The following POU6F2 variants were observed in gnomAD, a reference collection of about 807,000 sequenced individuals.
The protein encoded by POU6F2 is POU class 6 homeobox 2, also known as POU domain, class 6, transcription factor 2.
In POU6F2, 31 loss-of-function variants were observed where a neutral mutation model predicts 71.3. The observed-to-expected ratio is 0.43, with a 90% CI of 0.33 to 0.59. The LOEUF is 0.59. POU6F2 is among the 20% of genes least tolerant of loss of function. The pLI, the probability that POU6F2 is intolerant of heterozygous loss-of-function variation, is 0.04. For missense variants in POU6F2, 783 were observed against 856.8 expected (o/e 0.91, Z 1.07); for synonymous variants, 347 against 355.7 (o/e 0.98, Z 0.27).
chr7:39,324,527 G>A (rs192965665), intron 4 of POU6F2, among the ~76,000 whole-genome samples: 52 of 152,336 alleles, frequency 3.4e-4, no homozygotes, highest in Admixed American at 5.2e-4. Context: ...TTTAGGACAC[G>A]TAAAGAAGTA....
At chr7:39,100,391 G>A (rs1437576555) in intron 2 of POU6F2, among the ~76,000 whole-genome samples, 1 of 152,178 alleles carries the variant, frequency 6.6e-6, no homozygotes, top group Non-Finnish European at 1.5e-5. Flanking sequence ...GTTGAGATCC[G>A]TAAAACCTAG....
chr7:39,105,605 C>G (rs895790023), intron 2 of POU6F2, among the ~76,000 whole-genome samples: 1 of 152,108 alleles, frequency 6.6e-6, no homozygotes, highest in African/African-American at 2.4e-5. Flanking sequence ...CAAATAATTT[C>G]TGGCTCTGTT....
At chr7:39,250,303 G>T (rs1783891988) in intron 4 of POU6F2, among the ~76,000 whole-genome samples, 1 of 152,072 alleles carries the variant, frequency 6.6e-6, no homozygotes, top group African/African-American at 2.4e-5. Context: ...CACCGCCTTT[G>T]GTTTTCTCCA....
intron 4 of POU6F2, among the ~76,000 whole-genome samples, chr7:39,260,089 G>A (rs988106087): frequency 4.1e-5 from 6 of 144,738 alleles, no homozygotes; most frequent in South Asian, 2.2e-4. Flanking sequence ...CACACCACAC[G>A]CATTCTCCAT....
chr7:39,377,001 ATATT>A, intron 5 of POU6F2, among the ~76,000 whole-genome samples: 1 of 148,344 alleles, frequency 6.7e-6, no homozygotes, highest in East Asian at 1.9e-4. Context: ...TCATATAAAT[ATATT>A]TGTTTAACTA....
intron 4 of POU6F2, among the ~76,000 whole-genome samples, chr7:39,215,937 T>G (rs1794233394): frequency 6.6e-6 from 1 of 152,210 alleles, no homozygotes; most frequent in Non-Finnish European, 1.5e-5. Context: ...CTGCACATCC[T>G]TCACCTTCTA....
chr7:39,212,991 ACTT>A (rs1016561539), intron 4 of POU6F2, among the ~76,000 whole-genome samples: 6 of 152,224 alleles, frequency 3.9e-5, no homozygotes. Context: ...AGCTGAGTCT[ACTT>A]CTGGGACAGA....
chr7:39,369,813 A>G (rs930449435), intron 5 of POU6F2, among the ~76,000 whole-genome samples: 1 of 151,364 alleles, frequency 6.6e-6, no homozygotes, highest in African/African-American at 2.4e-5. Flanking sequence ...CCTCCCAAGT[A>G]GCTAGGACTA....
chr7:39,254,862 G>A (rs1783990255), intron 4 of POU6F2, among the ~76,000 whole-genome samples: 1 of 152,156 alleles, frequency 6.6e-6, no homozygotes, highest in Admixed American at 6.5e-5. Flanking sequence ...AGTGGGCCCA[G>A]TTTAGGGCCG....
At chr7:39,335,525 G>A (rs760149251) in intron 4 of POU6F2, among the ~76,000 whole-genome samples, 31 of 152,290 alleles carry the variant, frequency 2.0e-4, no homozygotes, top group South Asian at 6.2e-4. Flanking sequence ...AAAATTGGTT[G>A]CCTCATCATT....
In POU6F2 at chr7:39,451,614, A is replaced by G. The variant is rs1788663449; in HGVS notation, c.1402A>G (p.Met468Val). 1.9e-6 allele frequency: 3 copies of G among 1,613,622 alleles called. No individual in the cohort carries two copies. The highest frequency in any genetic ancestry group is 1.7e-6 in the Non-Finnish European group (2 of 1,179,730). Residue 468 changes from methionine (M) to valine (V), a missense_variant, in exon 8 of 10, where the codon ATG becomes GTG. This residue lies in a region of POU6F2 where 572 missense variants were observed against 572.9 expected (regional missense o/e 1.00). Coordinates refer to ENST00000518318, the MANE Select transcript of POU6F2 (RefSeq NM_001370959.1). The part of the protein sequence containing the change: ...LLHLAHSQAS[M>V]SQSPVRQASS... ...GCACCTGGCTCACAGCCAAGCATCC[A>G]TGTCTCAAAGTCCCGTCCGGCAGGC...
chr7:39,006,215 G>A (rs1233268200), intron 1 of POU6F2, among the ~76,000 whole-genome samples: 5 of 152,142 alleles, frequency 3.3e-5, no homozygotes, highest in African/African-American at 9.7e-5. Context: ...TGTAATCCCA[G>A]CACTTTGGGA....
At chr7:39,158,234 C>G (rs747629646) in intron 2 of POU6F2, among the ~76,000 whole-genome samples, 1 of 152,078 alleles carries the variant, frequency 6.6e-6, no homozygotes, top group African/African-American at 2.4e-5. Context: ...TAAAAGCATT[C>G]GTCATTCACT....
chr7:39,312,885 C>T (rs773130906), intron 4 of POU6F2, among the ~76,000 whole-genome samples: 1 of 152,116 alleles, frequency 6.6e-6, no homozygotes, highest in Non-Finnish European at 1.5e-5. Context: ...GATTTCATCA[C>T]GCTACTCGGA....
intron 4 of POU6F2, among the ~76,000 whole-genome samples, chr7:39,320,038 G>A (rs1037232494): frequency 6.6e-5 from 10 of 152,116 alleles, no homozygotes; most frequent in African/African-American, 1.4e-4. Context: ...ACTTTAAGCC[G>A]GCTCAGAGGG....
intron 4 of POU6F2, among the ~76,000 whole-genome samples, chr7:39,321,182 G>T (rs139923379): frequency 5.9e-5 from 9 of 152,238 alleles, no homozygotes; most frequent in African/African-American, 1.9e-4. Context: ...CAGACCACAG[G>T]TTACTGAAAC....
chr7:39,257,619 A>C (rs1784050845), intron 4 of POU6F2, among the ~76,000 whole-genome samples: 1 of 152,224 alleles, frequency 6.6e-6, no homozygotes, highest in Admixed American at 6.5e-5. Flanking sequence ...GTGAAGACAC[A>C]TACTTGCAAA....
chr7:39,440,078 T>A (rs975919226), intron 7 of POU6F2, among the ~76,000 whole-genome samples: 9 of 152,260 alleles, frequency 5.9e-5, no homozygotes, highest in African/African-American at 2.2e-4. Flanking sequence ...CTTCCCTTTG[T>A]AGGTGACCTG....
intron 5 of POU6F2, among the ~76,000 whole-genome samples, chr7:39,364,089 G>T (rs1583552108): frequency 6.6e-6 from 1 of 152,120 alleles, no homozygotes; most frequent in Admixed American, 6.5e-5. Flanking sequence ...ACAAATCAGG[G>T]ATGTTCTTGA....
Sources: gnomAD v4.1 joint callset for allele counts (sites outside exome capture counted in the v4.1 genomes callset) on GRCh38, gnomAD v4.1.1 for gene constraint, gnomAD v4.1.1 regional missense constraint, MANE v1.5 for transcripts, NCBI Gene and HGNC (gene_info 2026-07-23, HGNC 2026-07-21) for gene names.